Variants in AFF2 observed in about 807,000 individuals in gnomAD.
AFF2 encodes the protein AF4/FMR2 family member 2.
AFF2 carries 14 observed loss-of-function variants against 76.9 expected under a neutral mutation model. That is an observed-to-expected ratio of 0.18 (90% CI 0.12 to 0.28). AFF2 has a LOEUF of 0.28. Among genes scored for constraint, AFF2 ranks in the 10% least tolerant of loss-of-function variants. The pLI is 1.00. For synonymous variants in AFF2, 398 were observed against 366.7 expected, an observed-to-expected ratio of 1.09 and a Z score of -0.98; for missense variants, 868 against 1,001.1, an observed-to-expected ratio of 0.87 and a Z score of 1.79.
intron 3 of AFF2, among the ~76,000 whole-genome samples, chrX:148,696,202 A>G (rs1324740291): frequency 2.7e-5 from 3 of 110,383 alleles, no homozygotes; most frequent in Non-Finnish European, 3.8e-5. Flanking sequence ...CCTAGGGCTT[A>G]TAAATATTTT....
chrX:148,662,894 T>C, intron 3 of AFF2, 126 bp downstream of exon 3: 1 of 726,601 alleles, frequency 1.4e-6, no homozygotes, highest in Non-Finnish European at 2.0e-6. Context: ...CTCTTCAAGT[T>C]CAGGGTCTGA....
chrX:148,587,376 T>G (rs1235384689), intron 1 of AFF2, among the ~76,000 whole-genome samples: 1 of 112,352 alleles, frequency 8.9e-6, no homozygotes, highest in Non-Finnish European at 1.9e-5. Flanking sequence ...TGAAAAAGCA[T>G]GCATTTTAGT....
intron 10 of AFF2, 69 bp downstream of exon 10, chrX:148,953,808 C>T: frequency 1.4e-6 from 1 of 735,167 alleles, no homozygotes; most frequent in Admixed American, 2.7e-5. Flanking sequence ...AACACACACA[C>T]ACACAGACAC....
chrX:148,939,312 A>C (rs1603343892), intron 9 of AFF2, among the ~76,000 whole-genome samples: 1 of 112,120 alleles, frequency 8.9e-6, no homozygotes, highest in East Asian at 2.8e-4. Context: ...TTCCATGCCT[A>C]ACTGAAAGTG....
At chrX:148,613,759 T>G (rs981242585) in intron 1 of AFF2, among the ~76,000 whole-genome samples, 56 of 111,726 alleles carry the variant, frequency 5.0e-4, no homozygotes, top group Admixed American at 7.6e-4. Flanking sequence ...CTTTATATAC[T>G]CTAACTGATC....
chrX:148,970,539 T>C (rs1037405860), intron 15 of AFF2, among the ~76,000 whole-genome samples: 1 of 112,283 alleles, frequency 8.9e-6, no homozygotes, highest in Non-Finnish European at 1.9e-5. Context: ...TAAATCCTGT[T>C]ATAAAATACT....
chrX:148,953,565 T>C lies in AFF2; in HGVS notation c.1398-15T>C, dbSNP rs1224181640. 5.8e-6 allele frequency: 7 copies of C among 1,197,353 alleles called. No homozygotes were observed. The East Asian group carries it at 1.2e-4, about 20-fold the overall frequency. On this transcript the variant is annotated splice_polypyrimidine_tract_variant and intron_variant, in intron 9 of 20. Coordinates refer to ENST00000370460, the MANE Select transcript of AFF2 (RefSeq NM_002025.4). ...AGAGTAAATGAGGCAATGAATTATG[T>C]TGTTTTTCTTTCAGCCCACCCTTGG...
intron 19 of AFF2, among the ~76,000 whole-genome samples, chrX:148,986,924 T>C (rs2072478688): frequency 1.8e-5 from 2 of 111,718 alleles, no homozygotes; most frequent in African/African-American, 6.5e-5. Flanking sequence ...CACCCAGCCC[T>C]CTCTGGTATT....
At chrX:148,967,976 G>T (rs1478083515) in intron 15 of AFF2, among the ~76,000 whole-genome samples, 1 of 111,666 alleles carries the variant, frequency 9.0e-6, no homozygotes, top group Non-Finnish European at 1.9e-5. Context: ...TACCTTTCAA[G>T]TGATTTTGGA....
intron 1 of AFF2, among the ~76,000 whole-genome samples, chrX:148,503,183 A>C (rs2052372578): frequency 8.9e-6 from 1 of 112,300 alleles, no homozygotes; most frequent in African/African-American, 3.2e-5. Flanking sequence ...TTCGTGATGC[A>C]TCTCTGTTTA....
At chrX:148,920,479 T>C (rs2071580468) in intron 9 of AFF2, among the ~76,000 whole-genome samples, 1 of 111,850 alleles carries the variant, frequency 8.9e-6, no homozygotes, top group African/African-American at 3.2e-5. Context: ...TTTAAAGTCA[T>C]GGTTCTCTCT....
chrX:148,583,258 T>A (rs1478968739), intron 1 of AFF2, among the ~76,000 whole-genome samples: 1 of 112,046 alleles, frequency 8.9e-6, no homozygotes, highest in Non-Finnish European at 1.9e-5. Flanking sequence ...GGTATGTGAA[T>A]TGTATCTCAG....
chrX:148,642,558 A>G (rs1427797551), intron 1 of AFF2, among the ~76,000 whole-genome samples: 3 of 111,994 alleles, frequency 2.7e-5, no homozygotes, highest in African/African-American at 9.7e-5. Context: ...GCTTTTTCCT[A>G]ATTTGAAAGA....
chrX:148,886,077 C>A, intron 8 of AFF2, 92 bp downstream of exon 8: 1 of 671,359 alleles, frequency 1.5e-6, no homozygotes, highest in Non-Finnish European at 2.4e-6. Flanking sequence ...GCAAACTTCC[C>A]CATGCTTTAT....
chrX:148,729,576 T>C (rs2055197880), intron 3 of AFF2, among the ~76,000 whole-genome samples: 1 of 111,527 alleles, frequency 9.0e-6, no homozygotes, highest in African/African-American at 3.3e-5. Flanking sequence ...TACCCAGGCT[T>C]TCATTCTGGT....
intron 8 of AFF2, among the ~76,000 whole-genome samples, chrX:148,899,744 T>C (rs1232558305): frequency 2.7e-5 from 3 of 111,118 alleles, no homozygotes; most frequent in Non-Finnish European, 5.7e-5. Flanking sequence ...CTGACAGTAT[T>C]ATTATTGATT....
intron 3 of AFF2, among the ~76,000 whole-genome samples, chrX:148,798,556 G>A (rs1485590660): frequency 8.9e-6 from 1 of 112,237 alleles, no homozygotes; most frequent in Non-Finnish European, 1.9e-5. Flanking sequence ...ATTAATTCTG[G>A]TCAAGAGTAG....
rs1489640997 is a variant in AFF2 at position 148,737,921 on chromosome X, A to G, written c.1042-71955A>G. Among the ~76,000 whole-genome samples, 5 of 111,553 alleles carry G rather than the reference A, an allele frequency of 4.5e-5. No homozygotes were observed. The East Asian group carries it at 1.4e-3, about 31-fold the overall frequency. On this transcript the variant is annotated intron_variant, in intron 3 of 20. Coordinates refer to ENST00000370460, the MANE Select transcript of AFF2 (RefSeq NM_002025.4). Reference sequence around the variant, plus strand: ...TTCTGTTTATGTGGTTTGTCACATTAGTCGATTTGCATATGTTAAACCATC... The same window carrying G: ...TTCTGTTTATGTGGTTTGTCACATTGGTCGATTTGCATATGTTAAACCATC...
intron 4 of AFF2, among the ~76,000 whole-genome samples, chrX:148,823,757 C>T (rs1557272770): frequency 8.9e-6 from 1 of 111,773 alleles, no homozygotes; most frequent in African/African-American, 3.3e-5. Context: ...CTGAGCAGTG[C>T]CCCTACTATA....
Sources: allele counts gnomAD v4.1 joint callset (sites outside exome capture counted in the v4.1 genomes callset), GRCh38; gene constraint gnomAD v4.1.1; transcripts MANE v1.5; gene names NCBI Gene and HGNC (gene_info 2026-07-23, HGNC 2026-07-21).